The following RYR2 variants were observed in gnomAD, a reference collection of about 807,000 sequenced individuals.
RYR2 encodes cardiac muscle ryanodine receptor-calcium release channel.
A neutral mutation model predicts 601.1 loss-of-function variants in RYR2; 227 were observed. That is an observed-to-expected ratio of 0.38 (90% CI 0.34 to 0.42). The LOEUF is 0.42. Among genes scored for constraint, RYR2 ranks in the 10% least tolerant of loss-of-function variants. The pLI is 1.00. For missense variants in RYR2, 4,646 were observed against 6,156.5 expected (o/e 0.75, Z 8.21); for synonymous variants, 2,223 against 2,175.1 (o/e 1.02, Z -0.61).
At chr1:237,263,533 A>T (rs1688743304) in intron 1 of RYR2, among the ~76,000 whole-genome samples, 1 of 152,224 alleles carries the variant, frequency 6.6e-6, no homozygotes, top group Non-Finnish European at 1.5e-5. Context: ...GTTCCTTGTT[A>T]TTAAATATCA....
Position 237,631,517 on chromosome 1 carries a change from C to T in RYR2, c.6531C>T (p.Asn2177=), listed in dbSNP as rs757298566. ...MHETVMEVMV[N]VLGGGESKEI... ...AGACTGTGATGGAGGTCATGGTGAA[C>T]GTCCTTGGAGGTGGAGAGTCCAAGG... Residue 2177 remains asparagine (N), a synonymous_variant, in exon 42 of 105, where the codon AAC becomes AAT. Transcript: ENST00000366574. 6 of 1,605,092 alleles carry T rather than the reference C, an allele frequency of 3.7e-6. No homozygotes were observed. The highest frequency in any genetic ancestry group is 1.4e-5 in the African/African-American group (1 of 73,886).
intron 1 of RYR2, among the ~76,000 whole-genome samples, chr1:237,066,849 G>T (rs1396374709): frequency 1.3e-5 from 2 of 152,054 alleles, no homozygotes; most frequent in African/African-American, 4.8e-5. Flanking sequence ...CACCGTGTTA[G>T]GATGGTCTCG....
At chr1:237,360,837 T>C (rs1437844458) in intron 4 of RYR2, among the ~76,000 whole-genome samples, 1 of 152,280 alleles carries the variant, frequency 6.6e-6, no homozygotes, top group Admixed American at 6.5e-5. Flanking sequence ...ATCTTGGACA[T>C]TTTTAGCAGG....
At chr1:237,127,941 T>C (rs1571939840) in intron 1 of RYR2, among the ~76,000 whole-genome samples, 4 of 143,344 alleles carry the variant, frequency 2.8e-5, no homozygotes, top group African/African-American at 1.1e-4. Flanking sequence ...TCCCAGACGA[T>C]GGGCGGCCAG....
intron 2 of RYR2, among the ~76,000 whole-genome samples, chr1:237,273,229 A>G (rs1689886464): frequency 6.6e-6 from 1 of 151,966 alleles, no homozygotes; most frequent in South Asian, 2.1e-4. Flanking sequence ...AGGGTGTGCA[A>G]CCTAGATCCC....
intron 1 of RYR2, among the ~76,000 whole-genome samples, chr1:237,138,206 A>AT (rs1210804964): frequency 6.6e-6 from 1 of 151,452 alleles, no homozygotes; most frequent in Non-Finnish European, 1.5e-5. Context: ...TAATTTTTGT[A>AT]TTTTTTGGTA....
chr1:237,766,245 T>C (rs143768206), intron 84 of RYR2, among the ~76,000 whole-genome samples: 1,687 of 152,334 alleles, frequency 0.011, 18 homozygotes, highest in Middle Eastern at 0.02. Context: ...ACTTAAGTGA[T>C]ACTATGTGTA....
intron 1 of RYR2, among the ~76,000 whole-genome samples, chr1:237,200,289 A>T (rs1373288606): frequency 6.6e-6 from 1 of 151,344 alleles, no homozygotes; most frequent in African/African-American, 2.4e-5. Context: ...TTTTAGGTAG[A>T]GTCTCACTCT....
chr1:237,316,594 A>G (rs1695139723), intron 2 of RYR2, among the ~76,000 whole-genome samples: 1 of 152,120 alleles, frequency 6.6e-6, no homozygotes, highest in African/African-American at 2.4e-5. Flanking sequence ...ACGTCAGCTG[A>G]TGGCAGCACC....
At chr1:237,403,809 TAGA>T (rs1486998962) in intron 10 of RYR2, among the ~76,000 whole-genome samples, 1 of 151,850 alleles carries the variant, frequency 6.6e-6, no homozygotes, top group African/African-American at 2.4e-5. Context: ...TTTCTTTGAG[TAGA>T]AGAAAACTAT....
chr1:237,310,605 C>G (rs979940927), intron 2 of RYR2, among the ~76,000 whole-genome samples: 2 of 152,128 alleles, frequency 1.3e-5, no homozygotes, highest in African/African-American at 4.8e-5. Context: ...AATATTGAAG[C>G]CCTTGAATTC....
chr1:237,670,131 A>G lies in RYR2; in HGVS notation c.8590+2173A>G, dbSNP rs566208269. On this transcript the variant is annotated intron_variant, in intron 58 of 104. Coordinates refer to ENST00000366574, the MANE Select transcript of RYR2 (RefSeq NM_001035.3). ...GCGAAACCCCGTCTCCACCAAAAAAATACGAAAACCAGTCAGGCGTGGCGG... is the reference window on the plus strand; with the variant it reads ...GCGAAACCCCGTCTCCACCAAAAAAGTACGAAAACCAGTCAGGCGTGGCGG... Among the ~76,000 whole-genome samples the G allele has an allele frequency of 3.9e-5, 6 of 152,158 alleles. No individual in the cohort carries two copies. The East Asian group carries it at 5.8e-4, about 15-fold the overall frequency.
chr1:237,756,282 G>A lies in RYR2; in HGVS notation c.11146-6G>A, dbSNP rs886046277. ...CTCAACATAAATGGTTGGGATTTGT[G>A]TTCAGGAAAAAGAAATGGAAAAGCA... On this transcript the variant is annotated splice_polypyrimidine_tract_variant and splice_region_variant and intron_variant, in intron 80 of 104. Transcript: ENST00000366574. The A allele has an allele frequency of 3.1e-6, 5 of 1,602,068 alleles. No homozygotes were observed. Among genetic ancestry groups the A allele is most frequent in the South Asian group, 1.1e-5 (1 of 90,852 alleles).
At chr1:237,342,287 C>G (rs925608325) in intron 3 of RYR2, among the ~76,000 whole-genome samples, 1 of 151,356 alleles carries the variant, frequency 6.6e-6, no homozygotes, top group South Asian at 2.1e-4. Flanking sequence ...GGACCACAGG[C>G]ACAAGCCACC....
chr1:237,648,221 G>A (rs935366792), intron 48 of RYR2, among the ~76,000 whole-genome samples: 12 of 152,176 alleles, frequency 7.9e-5, no homozygotes, highest in African/African-American at 2.4e-4. Context: ...CCTGTATGCA[G>A]TTAACAAGTG....
intron 1 of RYR2, among the ~76,000 whole-genome samples, chr1:237,096,585 C>A (rs548494582): frequency 2.6e-5 from 4 of 152,180 alleles, no homozygotes; most frequent in African/African-American, 9.6e-5. Flanking sequence ...AGGGAATATA[C>A]GTTGGTATCT....
Position 237,687,366 on chromosome 1 carries a change from C to CTTTTTTTTTTTTTTT in RYR2, c.9018-85_9018-71dup, listed in dbSNP as rs10679267. On this transcript the variant is annotated intron_variant, in intron 62 of 104. Coordinates refer to ENST00000366574, the MANE Select transcript of RYR2 (RefSeq NM_001035.3). ...CTGTTTTTTTTTCTTTTTTCTTCTT[C>CTTTTTTTTTTTTTTT]TTTTTTTTTTTTTTTTTTAATTTCC... The CTTTTTTTTTTTTTTT allele has an allele frequency of 2.0e-4, 52 of 259,124 alleles. 1 individual carries two copies. The highest frequency in any genetic ancestry group is 3.2e-4 in the African/African-American group (10 of 31,200). 16.1% of individuals were successfully genotyped at this position (259,124 alleles called of 1,614,324 possible). A position where few individuals can be genotyped will look rare whatever the true frequency, so the allele number is the denominator to read the frequency against.
intron 48 of RYR2, among the ~76,000 whole-genome samples, chr1:237,644,062 A>G (rs1573305682): frequency 1.3e-5 from 2 of 152,132 alleles, no homozygotes; most frequent in East Asian, 3.9e-4. Context: ...GCCTTGTGTC[A>G]TTGGTCGCAA....
At chr1:237,204,662 A>G (rs1681593093) in intron 1 of RYR2, among the ~76,000 whole-genome samples, 1 of 152,116 alleles carries the variant, frequency 6.6e-6, no homozygotes, top group Non-Finnish European at 1.5e-5. Flanking sequence ...TTCAGACTTC[A>G]CTTTATATTG....
Sources: gnomAD v4.1 joint callset for allele counts (sites outside exome capture counted in the v4.1 genomes callset) on GRCh38, gnomAD v4.1.1 for gene constraint, MANE v1.5 for transcripts, NCBI Gene and HGNC (gene_info 2026-07-23, HGNC 2026-07-21) for gene names.